Variants in PTPN23 observed in about 807,000 individuals in gnomAD.
PTPN23 encodes the protein tyrosine-protein phosphatase non-receptor type 23.
In PTPN23, 72 loss-of-function variants were observed where a neutral mutation model predicts 156.3. The observed-to-expected ratio is 0.46, with a 90% CI of 0.38 to 0.56. PTPN23 has a LOEUF of 0.56. Among genes scored for constraint, PTPN23 ranks in the 20% least tolerant of loss-of-function variants. PTPN23 has a pLI of 0.00. For synonymous variants in PTPN23, 957 were observed against 899.6 expected (o/e 1.06, Z -1.14); for missense variants, 1,974 against 2,171.5 (o/e 0.91, Z 1.81).
chr3:47,402,925 C>T (rs1001804689), intron 2 of PTPN23, among the ~76,000 whole-genome samples: 6 of 152,086 alleles, frequency 3.9e-5, no homozygotes, highest in Non-Finnish European at 7.4e-5. Flanking sequence ...AGGCTGGCAT[C>T]GAACTCCTGA....
Position 47,413,061 on chromosome 3 carries a change from G to GCAAA in PTPN23, c.4790_4793dup (p.Arg1599ThrfsTer7), listed in dbSNP as rs761707253. The stretch of plus-strand genomic sequence containing the variant: ...TTCTCCCTGGACAGCTCCCTGCGGG[G>GCAAA]CAAACAGCGGATGAGCAAGCATAAC... On this transcript the variant is annotated frameshift_variant, in exon 25 of 25. Coordinates refer to ENST00000265562, the MANE Select transcript of PTPN23 (RefSeq NM_015466.4). LOFTEE classifies it high-confidence loss of function. 11 of 1,612,828 alleles carry GCAAA rather than the reference G, an allele frequency of 6.8e-6. No individual in the cohort carries two copies. The highest frequency in any genetic ancestry group is 2.7e-5 in the African/African-American group (2 of 74,940).
In PTPN23 at chr3:47,406,736, A is replaced by G. The variant is rs142355354; in HGVS notation, c.793A>G (p.Lys265Glu). The part of the protein sequence containing the change: ...HMGKQAEEQQ[K>E]FGERVAYFQS... ...GGGAAAGCAGGCCGAGGAGCAGCAG[A>G]AGTTCGGGGAGCGGGTGAGCTACAG... is the stretch of plus-strand genomic sequence containing the variant. Residue 265 changes from lysine (K) to glutamate (E), a missense_variant, in exon 9 of 25, where the codon AAG becomes GAG. This residue lies in a region of PTPN23 where 726 missense variants were observed against 929.5 expected (regional missense o/e 0.78). Coordinates refer to ENST00000265562, the MANE Select transcript of PTPN23 (RefSeq NM_015466.4). This position sits in a 1 kb window ranked among gnomAD's most constrained non-coding sequence, Gnocchi z 5.8. 2.5e-6 allele frequency: 4 copies of G among 1,613,604 alleles called. No individual in the cohort carries two copies. Among genetic ancestry groups the G allele is most frequent in the Non-Finnish European group, 3.4e-6 (4 of 1,179,944 alleles).
intron 2 of PTPN23, among the ~76,000 whole-genome samples, chr3:47,403,518 T>C (rs1193897122): frequency 6.6e-6 from 1 of 152,078 alleles, no homozygotes; most frequent in African/African-American, 2.4e-5. Flanking sequence ...TTTTGGTGGG[T>C]ATCCAGTTTT....
At chr3:47,389,667 C>T (rs994276259) in intron 1 of PTPN23, among the ~76,000 whole-genome samples, 23 of 152,100 alleles carry the variant, frequency 1.5e-4, no homozygotes, top group Admixed American at 1.0e-3. Context: ...GGTGAATCCC[C>T]GTCTCCACTA....
In PTPN23 at chr3:47,407,983, G is replaced by C. The variant is rs751867547; in HGVS notation, c.1184+28G>C. On this transcript the variant is annotated intron_variant, in intron 14 of 24. Transcript: ENST00000265562. The surrounding 1 kb of genome is among the most constrained non-coding windows in gnomAD (Gnocchi z 4.0). ...GAGTGTGGGACTTGGGCAGGGAGGC[G>C]GAGGCAGGCAGCACTTCCCGGGCCT... The C allele has an allele frequency of 5.0e-6, 8 of 1,609,210 alleles. No homozygotes were observed. In the East Asian group the frequency reaches 1.8e-4, roughly 36 times the overall value.
chr3:47,404,714 G>A lies in PTPN23; in HGVS notation c.222G>A (p.Gln74=). The change falls in exon 3 of 25, where the codon CAG becomes CAA. Residue 74 remains glutamine (Q), a synonymous_variant. Transcript: ENST00000265562. The part of the protein sequence containing the change: ...GCSVLRKYLG[Q]LHYLQSRVPM... ...GTGTCCTCCGCAAGTACCTCGGCCA[G>A]CTTCATTACCTGCAGAGTCGGGTCC... 2 of 1,614,076 alleles carry A rather than the reference G, an allele frequency of 1.2e-6. No individual in the cohort carries two copies. The highest frequency in any genetic ancestry group is 1.7e-6 in the Non-Finnish European group (2 of 1,180,038).
intron 2 of PTPN23, 60 bp from the exon 3 acceptor site, chr3:47,404,591 TG>T: frequency 5.6e-6 from 9 of 1,594,222 alleles, no homozygotes; most frequent in Non-Finnish European, 7.7e-6. Flanking sequence ...GTGAGTTAGC[TG>T]GCCTGCGTGT....
intron 1 of PTPN23, among the ~76,000 whole-genome samples, chr3:47,381,494 C>G (rs1704537299): frequency 6.6e-6 from 1 of 152,194 alleles, no homozygotes; most frequent in African/African-American, 2.4e-5. Flanking sequence ...CCCAGTTCTG[C>G]CCCGCCCCTC....
At chr3:47,382,889 C>T (rs982840586) in intron 1 of PTPN23, among the ~76,000 whole-genome samples, 1 of 151,214 alleles carries the variant, frequency 6.6e-6, no homozygotes, top group Non-Finnish European at 1.5e-5. Context: ...GGGGTTTCAT[C>T]GTGTTAGCCA....
Position 47,391,787 on chromosome 3 carries a change from G to C in PTPN23, c.85-4356G>C, listed in dbSNP as rs978477782. Among the ~76,000 whole-genome samples, 6 of 152,042 alleles carry C rather than the reference G, an allele frequency of 3.9e-5. No homozygotes were observed. The South Asian group carries it at 6.2e-4, about 16-fold the overall frequency. On this transcript the variant is annotated intron_variant, in intron 1 of 24. Coordinates refer to ENST00000265562, the MANE Select transcript of PTPN23 (RefSeq NM_015466.4). ...TTTTACTCATTTTCTCTAACCTAAG[G>C]GTGGGCAAAACCTCTTACTGCAAGG...
At chr3:47,387,389 A>G (rs1483960902) in intron 1 of PTPN23, among the ~76,000 whole-genome samples, 1 of 139,186 alleles carries the variant, frequency 7.2e-6, no homozygotes, top group Non-Finnish European at 1.5e-5. Flanking sequence ...CAACAAAGCA[A>G]GACCCTGTCT....
intron 2 of PTPN23, among the ~76,000 whole-genome samples, chr3:47,399,256 G>T (rs1342002759): frequency 6.6e-6 from 1 of 152,168 alleles, no homozygotes; most frequent in Non-Finnish European, 1.5e-5. Context: ...ATGGGTGGCT[G>T]CTACTATGGT....
Position 47,409,987 on chromosome 3 carries a change from G to C in PTPN23, c.2189G>C (p.Arg730Thr), listed in dbSNP as rs371402807. 33 of 1,597,252 alleles carry C rather than the reference G, an allele frequency of 2.1e-5. No individual in the cohort carries two copies. Among genetic ancestry groups the C allele is most frequent in the Non-Finnish European group, 2.6e-5 (30 of 1,173,194 alleles). Reference protein sequence around the residue: ...PTAPKPLLPRREESEAVEAGD... With the variant: ...PTAPKPLLPRTEESEAVEAGD... The stretch of plus-strand genomic sequence containing the variant: ...GCCCCAAAGCCGCTGCTGCCCCGCA[G>C]GGAGGAGAGTGAGGCAGTGGAAGCA... The change falls in exon 20 of 25, where the codon AGG becomes ACG. Residue 730 changes from arginine to threonine, a missense_variant. Physicochemically the swap from Arg to Thr is moderately conservative, Grantham distance 71. Coordinates refer to ENST00000265562, the MANE Select transcript of PTPN23 (RefSeq NM_015466.4).
Position 47,411,755 on chromosome 3 carries a change from GGTCT to G in PTPN23, c.3889-23_3889-20del, listed in dbSNP as rs756711484. ...CAGGGCAGGGGATCCTGGAAAACCA[GGTCT>G]GTCTTGGCTTATCTGTCCCTCAGCA... On this transcript the variant is annotated intron_variant, in intron 20 of 24. Transcript: ENST00000265562. The surrounding 1 kb of genome is among the most constrained non-coding windows in gnomAD (Gnocchi z 6.3). 1.4e-5 allele frequency: 22 copies of G among 1,594,270 alleles called. No homozygotes were observed. The highest frequency in any genetic ancestry group is 1.7e-5 in the Admixed American group (1 of 58,964).
rs1470714038 is a variant in PTPN23 at position 47,399,468 on chromosome 3, A to G, written c.159+3251A>G. Among the ~76,000 whole-genome samples the G allele has an allele frequency of 3.9e-5, 6 of 152,140 alleles. No homozygotes were observed. In the East Asian group the frequency reaches 1.2e-3, roughly 29 times the overall value. On this transcript the variant is annotated intron_variant, in intron 2 of 24. Coordinates refer to ENST00000265562, the MANE Select transcript of PTPN23 (RefSeq NM_015466.4). ...TGAATCTTTAAAAAGGGTTTATTTG[A>G]ACAAAGTTTGAAAACTAGTGAGATA...
Position 47,412,806 on chromosome 3 carries a change from G to C in PTPN23, c.4532G>C (p.Gly1511Ala), listed in dbSNP as rs750962267. 9.9e-6 allele frequency: 16 copies of C among 1,613,534 alleles called. No homozygotes were observed. The highest frequency in any genetic ancestry group is 1.4e-5 in the Non-Finnish European group (16 of 1,179,938). The change falls in exon 25 of 25, where the codon GGG (glycine) becomes GCG (alanine). Residue 1511 changes from glycine (G) to alanine (A), a missense_variant. By Grantham distance (60) the Gly-to-Ala change is moderately conservative. Coordinates refer to ENST00000265562, the MANE Select transcript of PTPN23 (RefSeq NM_015466.4). ...TIAKLSIRPP[G>A]GLESPVASLP... ...GCCAAGCTCAGCATTCGGCCTCCTG[G>C]GGGGTTGGAGTCCCCGGTTGCCAGC...
intron 2 of PTPN23, among the ~76,000 whole-genome samples, chr3:47,401,877 G>T (rs183023754): frequency 6.6e-6 from 1 of 152,336 alleles, no homozygotes; most frequent in East Asian, 1.9e-4. Flanking sequence ...AAGTGGTGTA[G>T]AGTACAACTG....
chr3:47,406,575 T>G lies in PTPN23; in HGVS notation c.722T>G (p.Val241Gly). 1.2e-6 allele frequency: 2 copies of G among 1,613,920 alleles called. No homozygotes were observed. Among genetic ancestry groups the G allele is most frequent in the African/African-American group, 1.3e-5 (1 of 75,004 alleles). ...ATCCAGAAGGACTGGAAGAAACTTG[T>G]GCAGATGAAGATCTACTACTTCGCA... ...GRIQKDWKKL[V>G]QMKIYYFAAV... The change falls in exon 8 of 25, where the codon GTG becomes GGG. Residue 241 changes from valine to glycine, a missense_variant. Coordinates refer to ENST00000265562, the MANE Select transcript of PTPN23 (RefSeq NM_015466.4). The surrounding 1 kb of genome is among the most constrained non-coding windows in gnomAD (Gnocchi z 5.8).
rs763593737 is a variant in PTPN23 at position 47,410,827 on chromosome 3, C to T, written c.3029C>T (p.Pro1010Leu). The T allele has an allele frequency of 7.5e-6, 12 of 1,601,400 alleles. No homozygotes were observed. Among genetic ancestry groups the T allele is most frequent in the East Asian group, 4.5e-5 (2 of 44,722 alleles). ...CCTCAGCCTGGGGTCCTGGGGCAGC[C>T]GCCACCCCCCCTACACACCCAGCTC... ...YAPQPGVLGQ[P>L]PPPLHTQLYP... The change falls in exon 20 of 25, where the codon CCG becomes CTG. Residue 1010 changes from proline (P) to leucine (L), a missense_variant. This residue lies in a region of PTPN23 where 731 missense variants were observed against 669.1 expected (regional missense o/e 1.09). Coordinates refer to ENST00000265562, the MANE Select transcript of PTPN23 (RefSeq NM_015466.4).
Sources: gnomAD v4.1 joint callset for allele counts (sites outside exome capture counted in the v4.1 genomes callset) on GRCh38, gnomAD v4.1.1 for gene constraint, gnomAD v4.1.1 regional missense constraint, Gnocchi (gnomAD v3.1) non-coding constraint, MANE v1.5 for transcripts, NCBI Gene and HGNC (gene_info 2026-07-23, HGNC 2026-07-21) for gene names.